The following OR7C1 variants were observed in gnomAD, a reference collection of about 807,000 sequenced individuals.
OR7C1 encodes olfactory receptor 7C1.
For synonymous variants in OR7C1, 152 were observed against 160.7 expected, an observed-to-expected ratio of 0.95 and a Z score of 0.41; for missense variants, 324 against 383.3, an observed-to-expected ratio of 0.85 and a Z score of 1.29.
chr19:14,814,538 C>T (rs1378087602), intron 1 of OR7C1, among the ~76,000 whole-genome samples: 2 of 152,120 alleles, frequency 1.3e-5, no homozygotes, highest in African/African-American at 4.8e-5. Context: ...ATTCTCCTGC[C>T]TCAGTCTCCT....
intron 1 of OR7C1, among the ~76,000 whole-genome samples, chr19:14,815,245 C>T (rs2044710885): frequency 6.6e-6 from 1 of 152,206 alleles, no homozygotes; most frequent in South Asian, 2.1e-4. Flanking sequence ...AGGCTGCTCA[C>T]TTGCGTGCTT....
intron 1 of OR7C1, chr19:14,825,345 A>T (rs2044760365): frequency 6.6e-6 from 1 of 152,228 alleles, no homozygotes; most frequent in Non-Finnish European, 1.5e-5. Flanking sequence ...GTGGTTATGT[A>T]GGATGAATAA....
At chr19:14,801,111 G>C (rs2044639746) in intron 2 of OR7C1, among the ~76,000 whole-genome samples, 2 of 152,170 alleles carry the variant, frequency 1.3e-5, no homozygotes, top group African/African-American at 4.8e-5. Flanking sequence ...TAATATTTGA[G>C]TAGCAATGGT....
intron 1 of OR7C1, among the ~76,000 whole-genome samples, chr19:14,813,224 A>G (rs2031766998): frequency 6.6e-6 from 1 of 152,030 alleles, no homozygotes; most frequent in African/African-American, 2.4e-5. Context: ...TACAAAAATA[A>G]TTATACACTG....
chr19:14,809,394 A>G (rs1202964946), intron 2 of OR7C1, among the ~76,000 whole-genome samples: 2 of 151,962 alleles, frequency 1.3e-5, no homozygotes, highest in Non-Finnish European at 2.9e-5. Context: ...TGGCCCTGGA[A>G]TTGTGCCAGA....
At chr19:14,814,750 A>T (rs753725463) in intron 1 of OR7C1, among the ~76,000 whole-genome samples, 12 of 152,002 alleles carry the variant, frequency 7.9e-5, no homozygotes, top group Non-Finnish European at 1.0e-4. Context: ...AACTGAACGG[A>T]CCTCCTCTTG....
At chr19:14,809,856 A>T (rs1239133002) in exon 2 of OR7C1, 1 of 151,804 alleles carries the variant, frequency 6.6e-6, no homozygotes, top group Non-Finnish European at 1.5e-5. Flanking sequence ...GGCTCTGTTG[A>T]CCTTCCCTCC....
intron 2 of OR7C1, among the ~76,000 whole-genome samples, chr19:14,803,778 C>T (rs1464876549): frequency 6.6e-6 from 1 of 151,656 alleles, no homozygotes; most frequent in African/African-American, 2.4e-5. Context: ...GGCGCGATCT[C>T]GGCTCACTTC....
chr19:14,813,020 G>A (rs940604535), intron 1 of OR7C1, among the ~76,000 whole-genome samples: 4 of 147,430 alleles, frequency 2.7e-5, no homozygotes, highest in African/African-American at 7.6e-5. Context: ...AGCCAAGGTT[G>A]CACCACTGCA....
chr19:14,798,891 T>G, exon 5 of OR7C1: 1 of 274,856 alleles, frequency 3.6e-6, no homozygotes, highest in Non-Finnish European at 6.8e-6. Context: ...GCAGCCGGCA[T>G]TCACTCATGC....
At chr19:14,806,742 C>T (rs983554696) in intron 2 of OR7C1, among the ~76,000 whole-genome samples, 1 of 151,922 alleles carries the variant, frequency 6.6e-6, no homozygotes, top group Non-Finnish European at 1.5e-5. Context: ...GCGTAGTATT[C>T]TGTGGTGTAT....
chr19:14,820,309 G>A (rs752669350), intron 1 of OR7C1, among the ~76,000 whole-genome samples: 11 of 141,272 alleles, frequency 7.8e-5, no homozygotes, highest in Non-Finnish European at 1.1e-4. Context: ...CATTCCTTTT[G>A]TTTAATAAGT....
chr19:14,827,872 C>T (rs553837208), intron 1 of OR7C1: 1 of 1,614,154 alleles, frequency 6.2e-7, no homozygotes, highest in East Asian at 2.2e-5. Context: ...CAGATGGCCA[C>T]AAACCGGTCA....
At chr19:14,827,631 G>A (rs143093089) in intron 1 of OR7C1, 67 of 1,614,130 alleles carry the variant, frequency 4.2e-5, no homozygotes, top group Admixed American at 2.0e-4. Context: ...ACCCAGCAGC[G>A]CAACTGTAAA....
chr19:14,831,458 T>A (rs780933061), intron 1 of OR7C1, among the ~76,000 whole-genome samples: 17 of 152,104 alleles, frequency 1.1e-4, no homozygotes, highest in Admixed American at 2.6e-4. Flanking sequence ...TATTATTATT[T>A]TTTTGAGACA....
intron 1 of OR7C1, chr19:14,828,059 G>A (rs1406575186): frequency 6.2e-7 from 1 of 1,614,220 alleles, no homozygotes; most frequent in Admixed American, 1.7e-5. Context: ...TGGAGAGGAA[G>A]AAGTACATGG....
At chr19:14,799,038 T>C in exon 5 of OR7C1, 1 of 1,154,992 alleles carries the variant, frequency 8.7e-7, no homozygotes, top group Non-Finnish European at 1.2e-6. Flanking sequence ...CCTATCTACC[T>C]AAATAATTTC....
At chr19:14,829,404 T>C (rs2044809353) in intron 1 of OR7C1, among the ~76,000 whole-genome samples, 1 of 152,184 alleles carries the variant, frequency 6.6e-6, no homozygotes, top group South Asian at 2.1e-4. Flanking sequence ...GGTTTCTCCA[T>C]GTTGGTCAGG....
intron 1 of OR7C1, among the ~76,000 whole-genome samples, chr19:14,823,268 C>G (rs182484740): frequency 6.7e-6 from 1 of 150,104 alleles, no homozygotes; most frequent in East Asian, 2.0e-4. Flanking sequence ...GCCTGGCAAA[C>G]ATGGCGAAAC....
Sources: gnomAD v4.1 joint callset for allele counts (sites outside exome capture counted in the v4.1 genomes callset) on GRCh38, gnomAD v4.1.1 for gene constraint, MANE v1.5 for transcripts, NCBI Gene and HGNC (gene_info 2026-07-23, HGNC 2026-07-21) for gene names.